Variants in CCDC38 observed in about 807,000 individuals in gnomAD.
CCDC38 encodes coiled-coil domain-containing protein 38.
Under a neutral mutation model 72.8 loss-of-function variants are expected in CCDC38, and 69 were observed. The ratio of observed to expected loss-of-function variants is 0.95; its 90% CI spans 0.78 to 1.16. CCDC38 has a LOEUF of 1.16. Ranked by LOEUF, CCDC38 falls within the 50% of genes most tolerant of loss-of-function variation. The pLI is 0.00. For synonymous variants in CCDC38, 201 were observed against 213.2 expected (o/e 0.94, Z 0.50); for missense variants, 626 against 638.9 (o/e 0.98, Z 0.22).
chr12:95,920,254 T>C (rs950916956), intron 2 of CCDC38, among the ~76,000 whole-genome samples: 1 of 152,106 alleles, frequency 6.6e-6, no homozygotes, highest in Non-Finnish European at 1.5e-5. Context: ...TGAGATCTGA[T>C]GGTTTTATAA....
intron 9 of CCDC38, 47 bp downstream of exon 9, chr12:95,890,785 G>A: frequency 8.5e-7 from 1 of 1,170,724 alleles, no homozygotes; most frequent in Non-Finnish European, 1.3e-6. Context: ...CTTTGAGATG[G>A]ACACATTCGC....
chr12:95,923,431 A>AG (rs34691204), intron 2 of CCDC38, among the ~76,000 whole-genome samples: 1 of 152,112 alleles, frequency 6.6e-6, no homozygotes, highest in Admixed American at 6.5e-5. Context: ...GTTGTCCTCC[A>AG]GGGGATGAGT....
chr12:95,931,588 T>G (rs2080339968), intron 2 of CCDC38, among the ~76,000 whole-genome samples: 1 of 152,204 alleles, frequency 6.6e-6, no homozygotes, highest in African/African-American at 2.4e-5. Context: ...ACTCATTCAT[T>G]CATTCAACAA....
At position 95,879,593 on chromosome 12, in the gene CCDC38, C is replaced by G. The variant is rs76482943; in HGVS notation, c.1142+51G>C. The G allele has an allele frequency of 2.6e-3, 3,536 of 1,337,620 alleles. 78 individuals carry two copies. The African/African-American group carries it at 0.047, about 18-fold the overall frequency. The allele number at this position is 1,337,620 out of a possible 1,614,324, so 82.9% of individuals were successfully genotyped here. On this transcript the variant is annotated intron_variant, in intron 12 of 15. Transcript: ENST00000344280. This position sits in a 1 kb window ranked among gnomAD's most constrained non-coding sequence, Gnocchi z 5.5. ...CATGTGAGTGAGTTGGACCCAGGCT[C>G]TGGTTAGAAATTGCTTAATGGAATA...
intron 4 of CCDC38, 68 bp from the exon 5 acceptor site, chr12:95,906,519 G>A (rs916864451): frequency 2.8e-6 from 3 of 1,084,002 alleles, no homozygotes; most frequent in African/African-American, 3.2e-5. Flanking sequence ...TAAAATAAAA[G>A]CCATATAATT....
At chr12:95,893,949 C>G (rs1565950177) in intron 8 of CCDC38, among the ~76,000 whole-genome samples, 1 of 151,626 alleles carries the variant, frequency 6.6e-6, no homozygotes. Flanking sequence ...AAACATAAAA[C>G]TTAGGTTAAT....
At chr12:95,942,240 G>A (rs2080459819) in intron 1 of CCDC38, among the ~76,000 whole-genome samples, 191 bp downstream of exon 1, 1 of 152,174 alleles carries the variant, frequency 6.6e-6, no homozygotes, top group Non-Finnish European at 1.5e-5. Flanking sequence ...GGACTCAAAA[G>A]CCTGGGCCTG....
intron 2 of CCDC38, 119 bp downstream of exon 2, chr12:95,936,354 T>C (rs2080393803): frequency 3.3e-6 from 3 of 910,532 alleles, no homozygotes; most frequent in South Asian, 4.6e-5. Context: ...AGGTAGTTTA[T>C]AAACTCATTA....
chr12:95,896,734 C>T (rs375111252), intron 7 of CCDC38: 11 of 152,200 alleles, frequency 7.2e-5, no homozygotes, highest in African/African-American at 2.7e-4. Flanking sequence ...GAGGAGGCCT[C>T]CTGGGGCCAT....
At chr12:95,927,094 G>C (rs1466565129) in intron 2 of CCDC38, among the ~76,000 whole-genome samples, 3 of 151,960 alleles carry the variant, frequency 2.0e-5, no homozygotes, top group African/African-American at 4.8e-5. Flanking sequence ...TCCTGGGTAT[G>C]CTTGTTGACT....
chr12:95,914,724 G>A (rs375783517), intron 4 of CCDC38, among the ~76,000 whole-genome samples: 51 of 152,056 alleles, frequency 3.4e-4, no homozygotes, highest in East Asian at 1.7e-3. Context: ...AATATTTTAT[G>A]GTAAGGATCC....
intron 5 of CCDC38, among the ~76,000 whole-genome samples, chr12:95,899,484 G>C (rs531462749): frequency 1.3e-4 from 20 of 152,224 alleles, no homozygotes; most frequent in African/African-American, 4.3e-4. Flanking sequence ...ATTTTTAGTA[G>C]AGATGGTTTT....
chr12:95,937,773 G>T (rs2080409344), intron 1 of CCDC38, among the ~76,000 whole-genome samples: 1 of 152,218 alleles, frequency 6.6e-6, no homozygotes, highest in South Asian at 2.1e-4. Context: ...GTGTGAGCAA[G>T]TTCATGTATC....
chr12:95,876,175 T>C lies in CCDC38; in HGVS notation c.1278+2036A>G, dbSNP rs368362402. 2.3e-4 allele frequency among the ~76,000 whole-genome samples: 35 copies of C among 152,190 alleles called. 1 individual carries two copies. The highest frequency in any genetic ancestry group is 8.4e-4 in the African/African-American group (35 of 41,448). On this transcript the variant is annotated intron_variant, in intron 13 of 15. Transcript: ENST00000344280. ...TGGATGAACTTTGAAAACATTATGC[T>C]AAATGAAATAAGCCAGACACAAAAG... is the stretch of plus-strand genomic sequence containing the variant.
chr12:95,885,449 C>A, intron 10 of CCDC38: 2 of 180,066 alleles, frequency 1.1e-5, no homozygotes, highest in South Asian at 3.4e-4. Flanking sequence ...GATAACTGTC[C>A]TGTAACAAGA....
rs2079973079 is a variant in CCDC38, at chr12:95,903,662, T to C, written c.369+2725A>G. ...ATTGGGATAATCATATGGGTTTTCA[T>C]TTTTAATTTGTTAATGTGTATTACA... On this transcript the variant is annotated intron_variant, in intron 5 of 15. Coordinates refer to ENST00000344280, the MANE Select transcript of CCDC38 (RefSeq NM_182496.3). 8 of 485,498 alleles carry C rather than the reference T, an allele frequency of 1.6e-5. No individual in the cohort carries two copies. The South Asian group carries it at 3.2e-4, about 20-fold the overall frequency. The allele number at this position is 485,498 out of a possible 1,614,324, so 30.1% of individuals were successfully genotyped here.
intron 13 of CCDC38, among the ~76,000 whole-genome samples, chr12:95,876,607 G>A (rs2079638319): frequency 2.0e-5 from 3 of 152,096 alleles, no homozygotes. Flanking sequence ...GCACTGAATT[G>A]AAAGGTGGCT....
At chr12:95,937,078 A>G (rs975889439) in intron 1 of CCDC38, among the ~76,000 whole-genome samples, 2 of 152,248 alleles carry the variant, frequency 1.3e-5, no homozygotes, top group African/African-American at 4.8e-5. Flanking sequence ...ACAAACAAAA[A>G]CAAAACAAAA....
At chr12:95,919,341 C>G in intron 2 of CCDC38, 1 of 365,430 alleles carries the variant, frequency 2.7e-6, no homozygotes, top group South Asian at 2.1e-5. Context: ...GAGCACTCAG[C>G]AGTGTATGAG....
Sources: allele counts gnomAD v4.1 joint callset (sites outside exome capture counted in the v4.1 genomes callset), GRCh38; gene constraint gnomAD v4.1.1; non-coding constraint Gnocchi (gnomAD v3.1); transcripts MANE v1.5; gene names NCBI Gene and HGNC (gene_info 2026-07-23, HGNC 2026-07-21).